LRRC69: variants seen among roughly 807,000 people sequenced by gnomAD.
LRRC69 encodes the protein leucine rich repeat containing 69.
In LRRC69, 42 loss-of-function variants were observed where a neutral mutation model predicts 37.8. That is an observed-to-expected ratio of 1.11 (90% CI 0.87 to 1.44). The LOEUF is 1.44. LRRC69 is among the 40% of genes most tolerant of loss of function. The probability of loss-of-function intolerance (pLI) is 0.00; values close to 1 mark genes in which losing one functional copy is unlikely to be tolerated. For missense variants in LRRC69, 357 were observed against 401.9 expected (o/e 0.89, Z 0.96); for synonymous variants, 141 against 143.1 (o/e 0.99, Z 0.11).
At position 91,116,449 on chromosome 8, in the gene LRRC69, G is replaced by C. The variant is rs542485413; in HGVS notation, c.184-8044G>C. On this transcript the variant is annotated intron_variant, in intron 1 of 7. Transcript: ENST00000448384. ...AGACTCAAGAATGTGCACATGATAG[G>C]ACAAGGATATTTAAAATGAGAATTT... Among the ~76,000 whole-genome samples the C allele has an allele frequency of 3.4e-4, 51 of 152,014 alleles. 1 individual carries two copies. Among genetic ancestry groups the C allele is most frequent in the Admixed American group, 1.1e-3 (17 of 15,244 alleles).
intron 5 of LRRC69, among the ~76,000 whole-genome samples, chr8:91,166,605 G>T (rs1276034081): frequency 6.7e-6 from 1 of 148,274 alleles, no homozygotes; most frequent in African/African-American, 2.5e-5. Context: ...CTTGATCAAA[G>T]ATATGCTCTG....
intron 3 of LRRC69, among the ~76,000 whole-genome samples, chr8:91,129,744 C>T (rs1055760817): frequency 2.0e-5 from 3 of 151,894 alleles, no homozygotes; most frequent in African/African-American, 7.2e-5. Context: ...TCCTTCTTTT[C>T]AGCATCTTTC....
At chr8:91,196,865 C>G (rs1183724869) in intron 6 of LRRC69, among the ~76,000 whole-genome samples, 1 of 152,202 alleles carries the variant, frequency 6.6e-6, no homozygotes, top group Non-Finnish European at 1.5e-5. Context: ...CTCCGTCCAG[C>G]TTTGTTCCAT....
intron 5 of LRRC69, among the ~76,000 whole-genome samples, chr8:91,176,134 A>ATATATATATATATAT: frequency 5.3e-5 from 4 of 75,700 alleles, no homozygotes; most frequent in African/African-American, 1.2e-4. Flanking sequence ...ATATATATAT[A>ATATATATATATATAT]TTTTTTTTTT....
exon 7 of LRRC69, chr8:91,200,723 A>T (rs1298309737): frequency 5.8e-6 from 9 of 1,538,976 alleles, no homozygotes; most frequent in East Asian, 5.0e-5. Flanking sequence ...AGGGAAAAAC[A>T]TGTGCAATAT....
intron 7 of LRRC69, among the ~76,000 whole-genome samples, chr8:91,207,531 G>C (rs1232392786): frequency 6.6e-6 from 1 of 152,166 alleles, no homozygotes; most frequent in Non-Finnish European, 1.5e-5. Flanking sequence ...TTTAACCCTG[G>C]TGCCTACCAC....
At chr8:91,172,967 G>C (rs1206841827) in intron 5 of LRRC69, among the ~76,000 whole-genome samples, 2 of 152,010 alleles carry the variant, frequency 1.3e-5, no homozygotes, top group South Asian at 2.1e-4. Flanking sequence ...TTTACAGAGA[G>C]GAAAAATGTC....
intron 7 of LRRC69, among the ~76,000 whole-genome samples, chr8:91,206,994 T>C (rs1281958006): frequency 6.6e-6 from 1 of 152,228 alleles, no homozygotes; most frequent in Non-Finnish European, 1.5e-5. Flanking sequence ...CAGCTGAACT[T>C]AAGACATTTA....
chr8:91,159,249 T>A (rs1446164991), intron 5 of LRRC69, among the ~76,000 whole-genome samples: 1 of 151,244 alleles, frequency 6.6e-6, no homozygotes, highest in African/African-American at 2.4e-5. Context: ...AATCTGAGTT[T>A]TGTGAACCCC....
At chr8:91,158,502 G>A in intron 5 of LRRC69, 1 of 1,123,632 alleles carries the variant, frequency 8.9e-7, no homozygotes, top group Non-Finnish European at 1.4e-6. Context: ...ATGCACATGG[G>A]AGATGAAGCC....
chr8:91,145,450 A>AT (rs1383124407), intron 5 of LRRC69, among the ~76,000 whole-genome samples: 2 of 151,766 alleles, frequency 1.3e-5, no homozygotes, highest in Non-Finnish European at 2.9e-5. Flanking sequence ...TGAATAGTTT[A>AT]TTTTCTCTGT....
At chr8:91,182,916 C>G (rs1809346864) in intron 5 of LRRC69, among the ~76,000 whole-genome samples, 1 of 152,044 alleles carries the variant, frequency 6.6e-6, no homozygotes, top group Non-Finnish European at 1.5e-5. Context: ...CAACAGGAGC[C>G]TGACTAAGTG....
At chr8:91,176,134 A>ATATATATTTTTTT in intron 5 of LRRC69, among the ~76,000 whole-genome samples, 7,500 of 75,050 alleles carry the variant, frequency 0.1, 721 homozygotes, top group Non-Finnish European at 0.14. Context: ...ATATATATAT[A>ATATATATTTTTTT]TTTTTTTTTT....
intron 6 of LRRC69, among the ~76,000 whole-genome samples, chr8:91,192,087 T>C (rs1450829446): frequency 1.7e-4 from 25 of 146,864 alleles, no homozygotes; most frequent in South Asian, 4.4e-4. Context: ...TGAGTGAGAA[T>C]ATGCGGTGTT....
chr8:91,199,300 C>T (rs115920302), intron 6 of LRRC69, among the ~76,000 whole-genome samples: 1 of 152,056 alleles, frequency 6.6e-6, no homozygotes, highest in Non-Finnish European at 1.5e-5. Flanking sequence ...AAAGCATGAC[C>T]TCAGTCATGC....
intron 5 of LRRC69, among the ~76,000 whole-genome samples, chr8:91,162,242 T>A (rs903688269): frequency 6.6e-6 from 1 of 151,498 alleles, no homozygotes; most frequent in Non-Finnish European, 1.5e-5. Context: ...TTGGATGACA[T>A]GTTTTATAAA....
At chr8:91,129,159 C>T (rs1398793311) in intron 3 of LRRC69, among the ~76,000 whole-genome samples, 4 of 151,964 alleles carry the variant, frequency 2.6e-5, no homozygotes, top group Non-Finnish European at 5.9e-5. Context: ...TCATGGACAG[C>T]GCTGCACAGG....
At chr8:91,170,632 G>C (rs1330696551) in intron 5 of LRRC69, among the ~76,000 whole-genome samples, 1 of 70,780 alleles carries the variant, frequency 1.4e-5, no homozygotes, top group African/African-American at 6.4e-5. Flanking sequence ...ACAAACCTGA[G>C]AAAAACAAGC....
intron 5 of LRRC69, among the ~76,000 whole-genome samples, chr8:91,150,971 T>C (rs1808725368): frequency 6.6e-6 from 1 of 151,970 alleles, no homozygotes; most frequent in African/African-American, 2.4e-5. Flanking sequence ...TTCATTCTTC[T>C]CTCTTTTTTT....
Sources: gnomAD v4.1 joint callset for allele counts (sites outside exome capture counted in the v4.1 genomes callset) on GRCh38, gnomAD v4.1.1 for gene constraint, MANE v1.5 for transcripts, NCBI Gene and HGNC (gene_info 2026-07-23, HGNC 2026-07-21) for gene names.